CREBZF: variants seen among roughly 807,000 people sequenced by gnomAD.
CREBZF encodes the protein CREB/ATF bZIP transcription factor.
CREBZF carries 8 observed loss-of-function variants against 21.1 expected under a neutral mutation model. The ratio of observed to expected loss-of-function variants is 0.38; its 90% CI spans 0.22 to 0.68. The LOEUF (loss-of-function observed/expected upper bound fraction) is 0.68. Among genes scored for constraint, CREBZF ranks in the 30% least tolerant of loss-of-function variants. The pLI, the probability that CREBZF is intolerant of heterozygous loss-of-function variation, is 0.51. For synonymous variants in CREBZF, 270 were observed against 223.3 expected (o/e 1.21, Z -1.86); for missense variants, 518 against 484.3 (o/e 1.07, Z -0.65).
chr11:85,666,664 T>C (rs1373776858), upstream of CREBZF, among the ~76,000 whole-genome samples: 1 of 152,220 alleles, frequency 6.6e-6, no homozygotes, highest in African/African-American at 2.4e-5. Context: ...CCAGGGAAGT[T>C]GAACACTGAC....
chr11:85,671,498 G>A (rs1371353633), intron 1 of CREBZF, among the ~76,000 whole-genome samples: 2 of 152,228 alleles, frequency 1.3e-5, no homozygotes, highest in Non-Finnish European at 2.9e-5. Context: ...TTGGAGGCAA[G>A]GCAAGTCCCT....
At chr11:85,679,727 A>G (rs2082964450) in intron 1 of CREBZF, among the ~76,000 whole-genome samples, 1 of 152,238 alleles carries the variant, frequency 6.6e-6, no homozygotes, top group African/African-American at 2.4e-5. Flanking sequence ...GTCATTAGCC[A>G]TATGTGGTTG....
intron 1 of CREBZF, among the ~76,000 whole-genome samples, chr11:85,678,987 G>T (rs2082959172): frequency 6.6e-6 from 1 of 152,228 alleles, no homozygotes; most frequent in Non-Finnish European, 1.5e-5. Context: ...TGAAGGCTCA[G>T]ACTTCTGGAA....
Position 85,664,600 on chromosome 11 carries a change from C to G in CREBZF, c.276G>C (p.Pro92=). 2.5e-6 allele frequency: 4 copies of G among 1,613,810 alleles called. No individual in the cohort carries two copies. Among genetic ancestry groups the G allele is most frequent in the Admixed American group, 1.7e-5 (1 of 60,028 alleles). The part of the protein sequence containing the change: ...EMEEEAIASL[P]GEETEDMDFL... ...AGTCCATATCCTCCGTCTCTTCCCC[C>G]GGGAGGCTGGCGATCGCCTCCTCCT... Residue 92 remains proline (P), a synonymous_variant, in exon 1 of 1, where the codon CCG becomes CCC. Transcript: ENST00000527447. This position sits in a 1 kb window ranked among gnomAD's most constrained non-coding sequence, Gnocchi z 5.5.
Position 85,659,002 on chromosome 11 carries a change from C to T in CREBZF, c.*4809G>A, listed in dbSNP as rs2082597202. 6.6e-6 allele frequency among the ~76,000 whole-genome samples: 1 copy of T among 151,930 alleles called. No homozygotes were observed. Among genetic ancestry groups the T allele is most frequent in the Admixed American group, 6.6e-5 (1 of 15,256 alleles). Reference sequence around the variant, plus strand: ...AGAGTACTGAGGCTACACAGAGGTACTGAAATTCAAATCTGAAAAATACTG... The same window carrying T: ...AGAGTACTGAGGCTACACAGAGGTATTGAAATTCAAATCTGAAAAATACTG... On this transcript the variant is annotated 3_prime_UTR_variant, in exon 1 of 1. Transcript: ENST00000527447.
At position 85,664,185 on chromosome 11, in the gene CREBZF, C is replaced by T. The variant is rs1400976812; in HGVS notation, c.691G>A (p.Gly231Arg). The T allele has an allele frequency of 6.2e-7, 1 of 1,613,478 alleles. No individual in the cohort carries two copies. Among genetic ancestry groups the T allele is most frequent in the Non-Finnish European group, 8.5e-7 (1 of 1,180,014 alleles). ...AGACCCCGGACTCGACTCTCCAGCC[C>T]CATCACGTACTCCTTCTTCTTCAGT... ...NRLKKKEYVM[G>R]LESRVRGLAA... Residue 231 changes from glycine (G) to arginine (R), a missense_variant, in exon 1 of 1, where the codon GGG becomes AGG. Physicochemically the swap from Gly to Arg is moderately radical, Grantham distance 125 (BLOSUM62 -2). Transcript: ENST00000527447. This position sits in a 1 kb window ranked among gnomAD's most constrained non-coding sequence, Gnocchi z 5.5.
At chr11:85,680,737 A>G (rs1002871466) in intron 1 of CREBZF, among the ~76,000 whole-genome samples, 3 of 152,270 alleles carry the variant, frequency 2.0e-5, no homozygotes, top group Non-Finnish European at 4.4e-5. Flanking sequence ...AGGAATACAC[A>G]ATGATTAGAA....
Position 85,665,028 on chromosome 11 carries a change from T to A in CREBZF, c.-153A>T. The A allele has an allele frequency of 2.0e-6, 1 of 494,128 alleles. No homozygotes were observed. Among genetic ancestry groups the A allele is most frequent in the Non-Finnish European group, 3.4e-6 (1 of 298,012 alleles). 30.6% of individuals were successfully genotyped at this position (494,128 alleles called of 1,614,324 possible). On this transcript the variant is annotated 5_prime_UTR_variant, in exon 1 of 1. Transcript: ENST00000527447. ...GTCGCCTCCCGCCTCACTTGGCTAGTCGACCCCCCGCGCCAAGGCGCGGGG... is the reference window on the plus strand; with the variant it reads ...GTCGCCTCCCGCCTCACTTGGCTAGACGACCCCCCGCGCCAAGGCGCGGGG...
Position 85,664,843 on chromosome 11 carries a change from G to C in CREBZF, c.33C>G (p.Ala11=). MRHSLTKLLA[A]SGSNSPTRSE... is the part of the protein sequence containing the mutation. ...TGCGGGTTGGGGAGTTGCTGCCCGA[G>C]GCTGCCAGCAGCTTGGTCAGGCTAT... The change falls in exon 1 of 1, where the codon GCC becomes GCG. Residue 11 remains alanine (A), a synonymous_variant. Transcript: ENST00000527447. This position sits in a 1 kb window ranked among gnomAD's most constrained non-coding sequence, Gnocchi z 5.5. 6.5e-7 allele frequency: 1 copy of C among 1,528,306 alleles called. No individual in the cohort carries two copies. The highest frequency in any genetic ancestry group is 1.3e-5 in the South Asian group (1 of 78,292). The allele number at this position is 1,528,306 out of a possible 1,614,324, so 94.7% of individuals were successfully genotyped here.
At chr11:85,682,659 C>G (rs1423973120) in intron 1 of CREBZF, 1 of 557,028 alleles carries the variant, frequency 1.8e-6, no homozygotes, top group Non-Finnish European at 3.2e-6. Flanking sequence ...CGTGGAGTCC[C>G]TGGAGCCCAC....
At position 85,658,847 on chromosome 11, in the gene CREBZF, C is replaced by A. The variant is rs984879846; in HGVS notation, c.*4964G>T. 5.9e-5 allele frequency among the ~76,000 whole-genome samples: 9 copies of A among 151,906 alleles called. No individual in the cohort carries two copies. The highest frequency in any genetic ancestry group is 2.2e-4 in the African/African-American group (9 of 41,376). Reference sequence around the variant, plus strand: ...AAATCAGTGTATTAACAGAACTACACAAATGTTTACAACACAGTAACTACA... The same window carrying A: ...AAATCAGTGTATTAACAGAACTACAAAAATGTTTACAACACAGTAACTACA... On this transcript the variant is annotated 3_prime_UTR_variant, in exon 1 of 1. Coordinates refer to ENST00000527447, the MANE Select transcript of CREBZF (RefSeq NM_001039618.4).
At chr11:85,673,477 T>C (rs1349739790) in intron 1 of CREBZF, among the ~76,000 whole-genome samples, 1 of 152,252 alleles carries the variant, frequency 6.6e-6, no homozygotes, top group African/African-American at 2.4e-5. Flanking sequence ...GAAATGTGCG[T>C]AACTTAAGTT....
In CREBZF at chr11:85,664,841, G is replaced by A. The variant is rs769357175; in HGVS notation, c.35C>T (p.Ser12Leu). Residue 12 changes from serine (S) to leucine (L), a missense_variant, in exon 1 of 1, where the codon TCG becomes TTG. Physicochemically the swap from Ser to Leu is moderately radical, Grantham distance 145 (BLOSUM62 -2). Coordinates refer to ENST00000527447, the MANE Select transcript of CREBZF (RefSeq NM_001039618.4). This position sits in a 1 kb window ranked among gnomAD's most constrained non-coding sequence, Gnocchi z 5.5. ...RHSLTKLLAA[S>L]GSNSPTRSES... Reference sequence around the variant, plus strand: ...ACTGCGGGTTGGGGAGTTGCTGCCCGAGGCTGCCAGCAGCTTGGTCAGGCT... The same window carrying A: ...ACTGCGGGTTGGGGAGTTGCTGCCCAAGGCTGCCAGCAGCTTGGTCAGGCT... The A allele has an allele frequency of 6.5e-7, 1 of 1,528,902 alleles. No homozygotes were observed. Among genetic ancestry groups the A allele is most frequent in the South Asian group, 1.3e-5 (1 of 78,416 alleles). 94.7% of individuals were successfully genotyped at this position (1,528,902 alleles called of 1,614,324 possible). A position where few individuals can be genotyped will look rare whatever the true frequency, so the allele number is the denominator to read the frequency against.
chr11:85,664,680 C>A lies in CREBZF; in HGVS notation c.196G>T (p.Gly66Trp), dbSNP rs1483963415. ...QFGDEGELEAGRGSRGGVAVR... is the reference protein window; with the variant it reads ...QFGDEGELEAWRGSRGGVAVR... ...GCCACGCCGCCGCGGCTCCCCCTCCCGGCTTCCAACTCTCCTTCGTCGCCA... is the reference window on the plus strand; with the variant it reads ...GCCACGCCGCCGCGGCTCCCCCTCCAGGCTTCCAACTCTCCTTCGTCGCCA... Residue 66 changes from glycine (G) to tryptophan (W), a missense_variant, in exon 1 of 1, where the codon GGG (glycine) becomes TGG (tryptophan). Physicochemically the swap from Gly to Trp is radical, Grantham distance 184. Coordinates refer to ENST00000527447, the MANE Select transcript of CREBZF (RefSeq NM_001039618.4). This position sits in a 1 kb window ranked among gnomAD's most constrained non-coding sequence, Gnocchi z 5.5. 4 of 1,602,040 alleles carry A rather than the reference C, an allele frequency of 2.5e-6. No individual in the cohort carries two copies. Among genetic ancestry groups the A allele is most frequent in the Non-Finnish European group, 3.4e-6 (4 of 1,174,422 alleles).
At chr11:85,676,231 G>C (rs1406338496) in intron 1 of CREBZF, among the ~76,000 whole-genome samples, 4 of 152,136 alleles carry the variant, frequency 2.6e-5, no homozygotes, top group Non-Finnish European at 5.9e-5. Context: ...GAAAGATTTG[G>C]AAGGGTAGGA....
intron 1 of CREBZF, among the ~76,000 whole-genome samples, chr11:85,680,418 G>A (rs568344524): frequency 6.6e-6 from 1 of 152,286 alleles, no homozygotes; most frequent in African/African-American, 2.4e-5. Flanking sequence ...GATTATTTTA[G>A]ACTAGTACAA....
chr11:85,668,111 A>G (rs1226124732), upstream of CREBZF, among the ~76,000 whole-genome samples: 1 of 152,210 alleles, frequency 6.6e-6, no homozygotes, highest in African/African-American at 2.4e-5. Context: ...CTGCAATTCC[A>G]GAAGCAAAAT....
chr11:85,681,287 G>A (rs963631283), intron 1 of CREBZF, among the ~76,000 whole-genome samples: 5 of 152,184 alleles, frequency 3.3e-5, no homozygotes, highest in Non-Finnish European at 4.4e-5. Flanking sequence ...GGAAAGGAGG[G>A]CTGAGTAGAA....
chr11:85,674,222 T>C (rs2082929412), intron 1 of CREBZF, among the ~76,000 whole-genome samples: 1 of 152,232 alleles, frequency 6.6e-6, no homozygotes, highest in Non-Finnish European at 1.5e-5. Context: ...AACAATAAGA[T>C]TTCAAAGTTG....
Sources: gnomAD v4.1 joint callset for allele counts (sites outside exome capture counted in the v4.1 genomes callset) on GRCh38, gnomAD v4.1.1 for gene constraint, Gnocchi (gnomAD v3.1) non-coding constraint, MANE v1.5 for transcripts, NCBI Gene and HGNC (gene_info 2026-07-23, HGNC 2026-07-21) for gene names.